SP140: variants seen among roughly 807,000 people sequenced by gnomAD.
The protein encoded by SP140 is SP140 nuclear body protein, also known as nuclear body protein SP140.
A neutral mutation model predicts 125.0 loss-of-function variants in SP140; 81 were observed. The observed-to-expected ratio is 0.65, with a 90% CI of 0.54 to 0.78. SP140 has a LOEUF of 0.78. Ranked by LOEUF, SP140 falls within the 30% of genes least tolerant of loss-of-function variation. The probability of loss-of-function intolerance (pLI) is 0.00; values close to 1 mark genes in which losing one functional copy is unlikely to be tolerated. For synonymous variants in SP140, 312 were observed against 354.0 expected (o/e 0.88, Z 1.33); for missense variants, 858 against 1,037.0 (o/e 0.83, Z 2.37).
intron 7 of SP140, 83 bp downstream of exon 7, chr2:230,246,023 A>G (rs1559245369): frequency 5.2e-6 from 4 of 764,572 alleles, no homozygotes; most frequent in Admixed American, 2.0e-5. Flanking sequence ...CCATTCCCCC[A>G]TCTATTCATG....
Position 230,253,210 on chromosome 2 carries a change from T to C in SP140, c.1058-106T>C, listed in dbSNP as rs928550063. ...AGGAGAAAGAGGAGATGTAACAAGATGGAGAAAAGGCGGAACAAGACAGGG... is the reference window on the plus strand; with the variant it reads ...AGGAGAAAGAGGAGATGTAACAAGACGGAGAAAAGGCGGAACAAGACAGGG... On this transcript the variant is annotated intron_variant, in intron 10 of 26. Coordinates refer to ENST00000392045, the MANE Select transcript of SP140 (RefSeq NM_007237.5). 3.9e-6 allele frequency: 3 copies of C among 778,076 alleles called. No homozygotes were observed. The African/African-American group carries it at 5.3e-5, about 14-fold the overall frequency. 48.2% of individuals were successfully genotyped at this position (778,076 alleles called of 1,614,324 possible). A position where few individuals can be genotyped will look rare whatever the true frequency, so the allele number is the denominator to read the frequency against.
chr2:230,230,949 T>C (rs2047147622), intron 1 of SP140, among the ~76,000 whole-genome samples: 1 of 151,578 alleles, frequency 6.6e-6, no homozygotes, highest in Admixed American at 6.5e-5. Flanking sequence ...GTTTTTTCCT[T>C]TTTTTTTCCT....
At chr2:230,250,880 C>G in intron 9 of SP140, 101 bp from the exon 10 acceptor site, 1 of 1,330,078 alleles carries the variant, frequency 7.5e-7, no homozygotes, top group Non-Finnish European at 1.1e-6. Context: ...CCAGGAGGGC[C>G]TGGGTGATGG....
At chr2:230,280,679 T>C (rs1001442982) in intron 15 of SP140, among the ~76,000 whole-genome samples, 1 of 152,186 alleles carries the variant, frequency 6.6e-6, no homozygotes, top group African/African-American at 2.4e-5. Context: ...TCCCAAAAGA[T>C]GACAAGGATC....
At chr2:230,229,938 GT>G (rs1441475727) in intron 1 of SP140, among the ~76,000 whole-genome samples, 1 of 150,230 alleles carries the variant, frequency 6.7e-6, no homozygotes, top group African/African-American at 2.5e-5. Flanking sequence ...GGGGTTTTTT[GT>G]TTTTTTTCCC....
chr2:230,225,488 G>A (rs2046209672), upstream of SP140: 5 of 357,302 alleles, frequency 1.4e-5, no homozygotes, highest in South Asian at 9.0e-5. Flanking sequence ...TCAGCAAGGG[G>A]TGGGGACAAA....
chr2:230,310,423 G>A (rs1029897633), intron 23 of SP140: 2 of 538,190 alleles, frequency 3.7e-6, no homozygotes, highest in African/African-American at 1.9e-5. Context: ...GAGGTCCCTG[G>A]GGCTGAAAAC....
At chr2:230,193,350 G>T in the SP140 span, among the ~76,000 whole-genome samples, 1 of 152,134 alleles carries the variant, frequency 6.6e-6, no homozygotes, top group East Asian at 1.9e-4. Context: ...GCCCATTTAT[G>T]TTGAACATTA....
chr2:230,314,998 C>G (rs1575408981), downstream of SP140, among the ~76,000 whole-genome samples: 1 of 152,220 alleles, frequency 6.6e-6, no homozygotes, highest in East Asian at 1.9e-4. Context: ...GTTAGAGTGA[C>G]AGCTGGAAGG....
At chr2:230,298,243 A>G (rs1054967748) in intron 22 of SP140, among the ~76,000 whole-genome samples, 1 of 152,204 alleles carries the variant, frequency 6.6e-6, no homozygotes, top group African/African-American at 2.4e-5. Flanking sequence ...TGAAATCGTG[A>G]TTTGATTCTT....
chr2:230,292,200 C>A (rs1373747978), intron 19 of SP140, among the ~76,000 whole-genome samples: 1 of 152,230 alleles, frequency 6.6e-6, no homozygotes, highest in Non-Finnish European at 1.5e-5. Context: ...GCGGGAGTGA[C>A]CCCCTGAGCC....
intron 22 of SP140, among the ~76,000 whole-genome samples, chr2:230,307,431 CT>C (rs897471971): frequency 2.0e-5 from 3 of 152,214 alleles, no homozygotes; most frequent in Non-Finnish European, 4.4e-5. Context: ...AGCTGCAGCC[CT>C]TTGGGGAGCC....
chr2:230,290,610 A>G, intron 19 of SP140, 46 bp downstream of exon 19: 1 of 1,450,874 alleles, frequency 6.9e-7, no homozygotes, highest in Non-Finnish European at 9.6e-7. Flanking sequence ...ATCTGAAGGC[A>G]TCACAAGTAG....
chr2:230,305,581 G>A (rs911432568), intron 22 of SP140, among the ~76,000 whole-genome samples: 1 of 152,258 alleles, frequency 6.6e-6, no homozygotes, highest in Non-Finnish European at 1.5e-5. Flanking sequence ...TGCCCGTAGG[G>A]CGTGGTCAGG....
intron 12 of SP140, among the ~76,000 whole-genome samples, chr2:230,264,687 T>C (rs1393305285): frequency 1.3e-5 from 2 of 152,214 alleles, no homozygotes; most frequent in Admixed American, 6.5e-5. Flanking sequence ...ACTATTCTCC[T>C]CCTTTTTCTA....
chr2:230,275,229 G>A (rs1206379008), intron 15 of SP140, among the ~76,000 whole-genome samples: 2 of 152,006 alleles, frequency 1.3e-5, no homozygotes, highest in Admixed American at 6.6e-5. Flanking sequence ...GGCACATCTC[G>A]TTTGATTGCA....
intron 12 of SP140, among the ~76,000 whole-genome samples, chr2:230,258,761 T>A (rs911934538): frequency 1.3e-5 from 2 of 152,254 alleles, no homozygotes; most frequent in Non-Finnish European, 2.9e-5. Context: ...TTAAAATAGA[T>A]GATTCTGATA....
downstream of SP140, among the ~76,000 whole-genome samples, chr2:230,313,969 C>A (rs1324367542): frequency 1.3e-5 from 2 of 152,140 alleles, no homozygotes; most frequent in African/African-American, 4.8e-5. Context: ...AGGTTTAGAT[C>A]TAGTCGTTAC....
intron 18 of SP140, among the ~76,000 whole-genome samples, chr2:230,288,584 C>G (rs2056759141): frequency 6.6e-6 from 1 of 151,348 alleles, no homozygotes; most frequent in South Asian, 2.1e-4. Flanking sequence ...AACCCATCAT[C>G]TACATTAGGT....
Sources: allele counts gnomAD v4.1 joint callset (sites outside exome capture counted in the v4.1 genomes callset), GRCh38; gene constraint gnomAD v4.1.1; transcripts MANE v1.5; gene names NCBI Gene and HGNC (gene_info 2026-07-23, HGNC 2026-07-21).